The following TIMM23 variants were observed in gnomAD, a reference collection of about 807,000 sequenced individuals.
TIMM23 encodes mitochondrial import inner membrane translocase subunit Tim23.
In TIMM23, 19 loss-of-function variants were observed where a neutral mutation model predicts 30.7. That is an observed-to-expected ratio of 0.62 (90% CI 0.43 to 0.91). The LOEUF (loss-of-function observed/expected upper bound fraction) is 0.91, where lower values mean the gene tolerates loss of function less well. Ranked by LOEUF, TIMM23 falls within the 40% of genes least tolerant of loss-of-function variation. TIMM23 has a pLI of 0.00. For synonymous variants in TIMM23, 78 were observed against 98.5 expected (o/e 0.79, Z 1.23); for missense variants, 202 against 269.2 (o/e 0.75, Z 1.75).
chr10:45,972,604 C>G lies in TIMM23; in HGVS notation c.-21C>G. The G allele has an allele frequency of 6.2e-7, 1 of 1,603,232 alleles. No individual in the cohort carries two copies. Among genetic ancestry groups the G allele is most frequent in the South Asian group, 1.1e-5 (1 of 90,696 alleles). On this transcript the variant is annotated 5_prime_UTR_variant, in exon 1 of 7. Coordinates refer to ENST00000580018, the MANE Select transcript of TIMM23 (RefSeq NM_006327.4). ...CCAGGCTTGAGGCAGCGGCGGGAAC[C>G]ACTCGGTTTGCTGCGATACCATGGA...
chr10:45,982,974 A>T (rs1236781633), intron 4 of TIMM23, 44 bp downstream of exon 4: 14 of 1,613,002 alleles, frequency 8.7e-6, no homozygotes. Context: ...CTTGAATATT[A>T]AGCTCTGTTG....
At chr10:45,976,124 A>G (rs1408928332) in intron 2 of TIMM23, among the ~76,000 whole-genome samples, 1 of 152,202 alleles carries the variant, frequency 6.6e-6, no homozygotes, top group Non-Finnish European at 1.5e-5. Context: ...TTTGAATCCA[A>G]GATATATTAG....
chr10:45,984,018 A>G (rs1234337005), intron 4 of TIMM23, among the ~76,000 whole-genome samples: 7 of 152,324 alleles, frequency 4.6e-5, no homozygotes, highest in African/African-American at 1.7e-4. Context: ...TGCTGGGATT[A>G]CAGATGTGAG....
chr10:45,989,667 C>T (rs1227438465), intron 6 of TIMM23, among the ~76,000 whole-genome samples: 2 of 152,144 alleles, frequency 1.3e-5, no homozygotes, highest in African/African-American at 4.8e-5. Context: ...TGACCTGTGA[C>T]ATCAGCATAT....
intron 5 of TIMM23, 62 bp downstream of exon 5, chr10:45,985,503 A>G: frequency 6.3e-7 from 1 of 1,590,226 alleles, no homozygotes. Context: ...TATCATGAAC[A>G]ATTTGATCAA....
At chr10:45,989,092 C>G (rs2132265820) in intron 6 of TIMM23, among the ~76,000 whole-genome samples, 1 of 152,250 alleles carries the variant, frequency 6.6e-6, no homozygotes, top group Non-Finnish European at 1.5e-5. Flanking sequence ...ATCTCTGGAA[C>G]TTTTTCATCT....
At chr10:45,979,697 C>T (rs1442744949) in intron 2 of TIMM23, among the ~76,000 whole-genome samples, 1 of 143,808 alleles carries the variant, frequency 7.0e-6, no homozygotes, top group East Asian at 2.2e-4. Flanking sequence ...ACAGCTGCTG[C>T]ATTTCTTGTT....
chr10:45,988,113 C>T (rs1305012598), intron 5 of TIMM23, among the ~76,000 whole-genome samples: 5 of 152,128 alleles, frequency 3.3e-5, no homozygotes, highest in African/African-American at 9.7e-5. Flanking sequence ...TCCTCCGACC[C>T]CATCCACTTG....
At chr10:45,987,788 T>C (rs1554914992) in intron 5 of TIMM23, among the ~76,000 whole-genome samples, 1 of 151,876 alleles carries the variant, frequency 6.6e-6, no homozygotes, top group East Asian at 1.9e-4. Context: ...CTAATTTTTT[T>C]TTAAATTTTT....
At chr10:45,997,499 G>A (rs1293509656) in intron 6 of TIMM23, among the ~76,000 whole-genome samples, 1 of 152,192 alleles carries the variant, frequency 6.6e-6, no homozygotes, top group East Asian at 1.9e-4. Flanking sequence ...TTTGCAAGAT[G>A]AAAAGAGTCC....
chr10:46,003,180 T>C (rs1564913747), intron 6 of TIMM23, 23 bp from the exon 7 acceptor site: 10 of 1,580,222 alleles, frequency 6.3e-6, no homozygotes, highest in Non-Finnish European at 8.7e-6. Flanking sequence ...CTATTTCATT[T>C]TCCTTTTGTC....
chr10:45,982,216 T>C (rs1326139160), intron 2 of TIMM23, among the ~76,000 whole-genome samples: 1 of 152,264 alleles, frequency 6.6e-6, no homozygotes, highest in Non-Finnish European at 1.5e-5. Flanking sequence ...GTTCTTCTCA[T>C]AGCTTTCAGT....
intron 6 of TIMM23, among the ~76,000 whole-genome samples, chr10:46,001,069 T>G (rs1838517950): frequency 6.6e-6 from 1 of 152,256 alleles, no homozygotes; most frequent in Admixed American, 6.5e-5. Flanking sequence ...TTTTTCCACA[T>G]TAGGAATTTG....
chr10:45,979,851 AG>A (rs1291294550), intron 2 of TIMM23, among the ~76,000 whole-genome samples: 1 of 152,008 alleles, frequency 6.6e-6, no homozygotes, highest in Non-Finnish European at 1.5e-5. Context: ...CTCCTTTGTC[AG>A]TTTACTCAAA....
At chr10:45,992,513 A>G in intron 6 of TIMM23, 1 of 453,496 alleles carries the variant, frequency 2.2e-6, no homozygotes, top group South Asian at 1.6e-5. Flanking sequence ...GAGGCTTATG[A>G]GTAAATGATT....
At chr10:45,974,413 A>G (rs1207684462) in intron 1 of TIMM23, among the ~76,000 whole-genome samples, 4 of 152,218 alleles carry the variant, frequency 2.6e-5, no homozygotes, top group Admixed American at 2.6e-4. Flanking sequence ...GCAAGTATCC[A>G]GGAAAATAGC....
At chr10:45,989,912 A>ATT (rs1554915369) in intron 6 of TIMM23, among the ~76,000 whole-genome samples, 6 of 152,176 alleles carry the variant, frequency 3.9e-5, no homozygotes, top group African/African-American at 1.4e-4. Flanking sequence ...CTTAATTTTT[A>ATT]TTTTTATCAA....
rs1262452443 is a variant in TIMM23, at chr10:45,994,553, T to A, written c.514+5706T>A. ...TTCCTAGGTTCAAGTGATGCTCCCA[T>A]CTCAGCCTCCCAAGATGCTAGGACT... On this transcript the variant is annotated intron_variant, in intron 6 of 6. Coordinates refer to ENST00000580018, the MANE Select transcript of TIMM23 (RefSeq NM_006327.4). Among the ~76,000 whole-genome samples, 2 of 110,680 alleles carry A rather than the reference T, an allele frequency of 1.8e-5. 1 individual carries two copies. Among genetic ancestry groups the A allele is most frequent in the Non-Finnish European group, 3.7e-5 (2 of 54,282 alleles). The allele number at this position is 110,680 out of a possible 152,430, so 72.6% of individuals were successfully genotyped here.
At chr10:45,986,123 A>G (rs1158371221) in intron 5 of TIMM23, among the ~76,000 whole-genome samples, 1 of 152,224 alleles carries the variant, frequency 6.6e-6, no homozygotes, top group African/African-American at 2.4e-5. Flanking sequence ...GGGAAGACAT[A>G]GAAAACTCAT....
Sources: gnomAD v4.1 joint callset for allele counts (sites outside exome capture counted in the v4.1 genomes callset) on GRCh38, gnomAD v4.1.1 for gene constraint, MANE v1.5 for transcripts, NCBI Gene and HGNC (gene_info 2026-07-23, HGNC 2026-07-21) for gene names.